Variants in LRMDA observed in about 807,000 individuals in gnomAD.
LRMDA encodes the protein leucine-rich melanocyte differentiation-associated protein.
Under a neutral mutation model 29.8 loss-of-function variants are expected in LRMDA, and 18 were observed. The observed-to-expected ratio is 0.60, with a 90% CI of 0.42 to 0.90. The LOEUF is 0.90. Among genes scored for constraint, LRMDA ranks in the 40% least tolerant of loss-of-function variants. The pLI is 0.00. For synonymous variants in LRMDA, 125 were observed against 109.4 expected (o/e 1.14, Z -0.89); for missense variants, 273 against 273.9 (o/e 1.00, Z 0.02).
chr10:76,310,514 CT>C (rs1840617074), intron 5 of LRMDA, among the ~76,000 whole-genome samples: 1 of 152,168 alleles, frequency 6.6e-6, no homozygotes, highest in African/African-American at 2.4e-5. Flanking sequence ...TTCATGCTTC[CT>C]TTTCCATTCC....
At chr10:75,748,767 CAG>C (rs1842918870) in intron 2 of LRMDA, among the ~76,000 whole-genome samples, 1 of 152,102 alleles carries the variant, frequency 6.6e-6, no homozygotes, top group Admixed American at 6.5e-5. Context: ...TAGAAAATAT[CAG>C]AGTTCAATAA....
intron 5 of LRMDA, among the ~76,000 whole-genome samples, chr10:76,137,949 A>G (rs991523256): frequency 2.0e-5 from 3 of 152,164 alleles, no homozygotes; most frequent in African/African-American, 7.2e-5. Context: ...GGAAGAACTG[A>G]GGAGCGGTGA....
intron 6 of LRMDA, among the ~76,000 whole-genome samples, chr10:76,427,399 CTGTT>C (rs1387727951): frequency 6.6e-6 from 1 of 151,992 alleles, no homozygotes; most frequent in Non-Finnish European, 1.5e-5. Context: ...ATTTGGCTCT[CTGTT>C]TGTCTGTTAT....
At chr10:75,642,437 C>T (rs954385692) in intron 2 of LRMDA, 1 of 152,178 alleles carries the variant, frequency 6.6e-6, no homozygotes, top group Non-Finnish European at 1.5e-5. Flanking sequence ...GATTGCTTTT[C>T]AGGGAATTTT....
chr10:75,563,884 T>C (rs1277822209), intron 2 of LRMDA, among the ~76,000 whole-genome samples: 1 of 151,452 alleles, frequency 6.6e-6, no homozygotes, highest in Non-Finnish European at 1.5e-5. Context: ...TGATCGTTCC[T>C]CTGGAAGTTT....
At chr10:76,173,432 A>C (rs1253057440) in intron 5 of LRMDA, among the ~76,000 whole-genome samples, 3 of 152,232 alleles carry the variant, frequency 2.0e-5, no homozygotes, top group African/African-American at 4.8e-5. Flanking sequence ...CTATTAATAA[A>C]ATTGATAAAC....
chr10:75,736,192 C>T (rs1322802080), intron 2 of LRMDA, among the ~76,000 whole-genome samples: 1 of 152,214 alleles, frequency 6.6e-6, no homozygotes, highest in Non-Finnish European at 1.5e-5. Flanking sequence ...ATAGTGAGAA[C>T]AGCAGGCAAG....
intron 2 of LRMDA, among the ~76,000 whole-genome samples, chr10:75,664,907 A>G (rs1841801890): frequency 6.6e-6 from 1 of 152,192 alleles, no homozygotes; most frequent in Admixed American, 6.5e-5. Flanking sequence ...AGAGAAAGTA[A>G]GGAAATGGAG....
chr10:76,546,937 C>T (rs1164323986), intron 6 of LRMDA, among the ~76,000 whole-genome samples: 1 of 152,134 alleles, frequency 6.6e-6, no homozygotes, highest in African/African-American at 2.4e-5. Context: ...GAGGATCAAA[C>T]AGCAGCTGGA....
chr10:76,386,783 T>G (rs1257814084), intron 6 of LRMDA, among the ~76,000 whole-genome samples: 2 of 152,000 alleles, frequency 1.3e-5, no homozygotes, highest in Non-Finnish European at 2.9e-5. Flanking sequence ...TTAAGGAAAA[T>G]AAGCTAGGAG....
intron 2 of LRMDA, among the ~76,000 whole-genome samples, chr10:75,997,135 G>A (rs1385449896): frequency 1.3e-5 from 2 of 152,088 alleles, no homozygotes; most frequent in South Asian, 2.1e-4. Flanking sequence ...AATTAAGGTT[G>A]CCTGTAATTC....
At chr10:75,547,890 C>T (rs944884520) in intron 2 of LRMDA, among the ~76,000 whole-genome samples, 1 of 152,066 alleles carries the variant, frequency 6.6e-6, no homozygotes, top group African/African-American at 2.4e-5. Flanking sequence ...TTTCTTGAAC[C>T]GCAGCTGGCT....
chr10:75,461,132 A>G (rs901856972), intron 2 of LRMDA, among the ~76,000 whole-genome samples: 9 of 152,214 alleles, frequency 5.9e-5, no homozygotes, highest in African/African-American at 2.2e-4. Context: ...TTTACGTGAC[A>G]CAGGAGTCTT....
intron 5 of LRMDA, among the ~76,000 whole-genome samples, chr10:76,068,868 A>G (rs1848829450): frequency 6.6e-6 from 1 of 152,216 alleles, no homozygotes; most frequent in African/African-American, 2.4e-5. Flanking sequence ...GCACGCAAGT[A>G]ATGGCACCCC....
chr10:75,609,627 G>T (rs1841002612), intron 2 of LRMDA, among the ~76,000 whole-genome samples: 1 of 152,178 alleles, frequency 6.6e-6, no homozygotes, highest in Non-Finnish European at 1.5e-5. Context: ...TTGCCAGGTG[G>T]TAAGCATTGT....
intron 6 of LRMDA, among the ~76,000 whole-genome samples, chr10:76,371,228 T>A (rs1841450418): frequency 6.6e-6 from 1 of 152,196 alleles, no homozygotes; most frequent in Non-Finnish European, 1.5e-5. Flanking sequence ...CTTGTAGGGA[T>A]GTGTCAATTG....
chr10:75,517,544 T>G (rs186655541), intron 2 of LRMDA, among the ~76,000 whole-genome samples: 2 of 152,352 alleles, frequency 1.3e-5, no homozygotes, highest in East Asian at 3.9e-4. Context: ...TTTTGCACAT[T>G]GATTTTGTAT....
intron 6 of LRMDA, among the ~76,000 whole-genome samples, chr10:76,450,502 C>A (rs952524429): frequency 6.6e-6 from 1 of 152,038 alleles, no homozygotes; most frequent in Non-Finnish European, 1.5e-5. Flanking sequence ...CTTATAAAGT[C>A]TTTCTCTGGG....
intron 2 of LRMDA, among the ~76,000 whole-genome samples, chr10:75,785,751 A>T (rs938426007): frequency 6.6e-6 from 1 of 152,258 alleles, no homozygotes; most frequent in African/African-American, 2.4e-5. Flanking sequence ...TATCAAAACG[A>T]TAGATATTTA....
Sources: allele counts gnomAD v4.1 joint callset (sites outside exome capture counted in the v4.1 genomes callset), GRCh38; gene constraint gnomAD v4.1.1; transcripts MANE v1.5; gene names NCBI Gene and HGNC (gene_info 2026-07-23, HGNC 2026-07-21).